ABCA1: variants seen among roughly 807,000 people sequenced by gnomAD.
ABCA1 encodes the protein ATP binding cassette subfamily A member 1.
ABCA1 carries 133 observed loss-of-function variants against 262.5 expected under a neutral mutation model. The observed-to-expected ratio is 0.51, with a 90% CI of 0.44 to 0.59. The LOEUF is 0.59. Among genes scored for constraint, ABCA1 ranks in the 20% least tolerant of loss-of-function variants. The pLI is 0.00. For missense variants in ABCA1, 2,452 were observed against 2,777.5 expected (o/e 0.88, Z 2.63); for synonymous variants, 1,022 against 1,043.5 (o/e 0.98, Z 0.40).
rs145225245 is a variant in ABCA1 at position 104,873,485 on chromosome 9, C to T, written c.421+9554G>A. 1.5e-3 allele frequency among the ~76,000 whole-genome samples: 226 copies of T among 152,332 alleles called. 2 individuals carry two copies. The Middle Eastern group carries it at 0.024, about 16-fold the overall frequency. ...GCATTTCTTTCAGAAGCCCTCTTGTCTCCTTTCTCATCCCAGCCAGCCCAT... is the reference window on the plus strand; with the variant it reads ...GCATTTCTTTCAGAAGCCCTCTTGTTTCCTTTCTCATCCCAGCCAGCCCAT... On this transcript the variant is annotated intron_variant, in intron 5 of 49. Transcript: ENST00000374736.
chr9:104,886,525 T>C (rs1331399972), intron 3 of ABCA1, among the ~76,000 whole-genome samples: 1 of 152,186 alleles, frequency 6.6e-6, no homozygotes, highest in African/African-American at 2.4e-5. Flanking sequence ...CTGCTCTTCA[T>C]TCAGGGAGAT....
chr9:104,788,612 T>C (rs1367845962), intron 44 of ABCA1, 45 bp from the exon 45 acceptor site: 2 of 1,607,942 alleles, frequency 1.2e-6, no homozygotes, highest in African/African-American at 2.7e-5. Context: ...CAGGTAGAGA[T>C]ACTCTGGTTA....
At chr9:104,925,255 T>C (rs1316453563) in intron 1 of ABCA1, among the ~76,000 whole-genome samples, 2 of 151,906 alleles carry the variant, frequency 1.3e-5, no homozygotes, top group Non-Finnish European at 2.9e-5. Context: ...CGTGCGCCTA[T>C]AGTCCCAGCT....
intron 7 of ABCA1, among the ~76,000 whole-genome samples, chr9:104,850,754 G>C (rs193035009): frequency 1.6e-4 from 25 of 152,302 alleles, no homozygotes; most frequent in Admixed American, 1.4e-3. Context: ...TATTTCCAAA[G>C]AGCTTCAGTA....
At chr9:104,874,019 G>C (rs1837878237) in intron 5 of ABCA1, among the ~76,000 whole-genome samples, 1 of 152,086 alleles carries the variant, frequency 6.6e-6, no homozygotes, top group Non-Finnish European at 1.5e-5. Context: ...TCAACTCCCT[G>C]CCACAGCCAA....
chr9:104,855,616 C>T, intron 7 of ABCA1: 1 of 1,422,858 alleles, frequency 7.0e-7, no homozygotes, highest in Non-Finnish European at 9.2e-7. Context: ...AGGCCCCACA[C>T]CAGGCTCTTC....
At chr9:104,892,737 C>T (rs955640854) in intron 2 of ABCA1, among the ~76,000 whole-genome samples, 1 of 152,154 alleles carries the variant, frequency 6.6e-6, no homozygotes, top group Non-Finnish European at 1.5e-5. Flanking sequence ...GTTAACAATA[C>T]GTATTCAAGA....
At chr9:104,883,928 C>T (rs528339356) in intron 4 of ABCA1, among the ~76,000 whole-genome samples, 5 of 152,318 alleles carry the variant, frequency 3.3e-5, no homozygotes. Flanking sequence ...TCCTGCTTTG[C>T]TCAGGGAGCT....
chr9:104,828,168 C>T (rs1437057127), intron 15 of ABCA1, among the ~76,000 whole-genome samples: 2 of 152,182 alleles, frequency 1.3e-5, no homozygotes, highest in Non-Finnish European at 2.9e-5. Flanking sequence ...CAGTAGACGG[C>T]CTCAGGCATC....
At chr9:104,801,230 CT>C (rs1170777520) in intron 34 of ABCA1, among the ~76,000 whole-genome samples, 1 of 151,968 alleles carries the variant, frequency 6.6e-6, no homozygotes, top group Non-Finnish European at 1.5e-5. Flanking sequence ...GTTCTGAGAG[CT>C]TTTTTTGAGA....
At chr9:104,905,432 T>C (rs936129040) in intron 1 of ABCA1, among the ~76,000 whole-genome samples, 6 of 152,236 alleles carry the variant, frequency 3.9e-5, no homozygotes, top group Non-Finnish European at 5.9e-5. Flanking sequence ...CCTACCACTA[T>C]GTATTCCAAT....
At chr9:104,836,586 T>G (rs1427183797) in intron 11 of ABCA1, among the ~76,000 whole-genome samples, 1 of 152,202 alleles carries the variant, frequency 6.6e-6, no homozygotes, top group African/African-American at 2.4e-5. Context: ...CAGGCCAGTC[T>G]ACATGTAACA....
At chr9:104,826,915 T>C (rs1018826363) in intron 16 of ABCA1, 33 bp downstream of exon 16, 4 of 1,596,506 alleles carry the variant, frequency 2.5e-6, no homozygotes, top group Middle Eastern at 2.0e-4. Flanking sequence ...GTCAAATGCC[T>C]ACAGCCACTG....
At chr9:104,921,389 T>C (rs921624719) in intron 1 of ABCA1, among the ~76,000 whole-genome samples, 23 of 152,186 alleles carry the variant, frequency 1.5e-4, no homozygotes, top group African/African-American at 5.3e-4. Flanking sequence ...TGTTTAAATC[T>C]CTAAATTACT....
chr9:104,896,555 T>C (rs1840214900), intron 2 of ABCA1, among the ~76,000 whole-genome samples: 1 of 151,868 alleles, frequency 6.6e-6, no homozygotes, highest in Admixed American at 6.6e-5. Context: ...TCAAAAGATA[T>C]TCTGAGAGGC....
In ABCA1 at chr9:104,800,593, A is replaced by G; in HGVS notation, c.4699-9T>C. Reference sequence around the variant, plus strand: ...CGATCTGCAGAACTGTCCTGTAAACAACAGAAACCTGCCTCAGTTGTGACT... The same window carrying G: ...CGATCTGCAGAACTGTCCTGTAAACGACAGAAACCTGCCTCAGTTGTGACT... On this transcript the variant is annotated splice_polypyrimidine_tract_variant and intron_variant, in intron 34 of 49. Transcript: ENST00000374736. 1 of 1,614,092 alleles carries G rather than the reference A, an allele frequency of 6.2e-7. No individual in the cohort carries two copies. The highest frequency in any genetic ancestry group is 8.5e-7 in the Non-Finnish European group (1 of 1,179,914).
intron 49 of ABCA1, 76 bp from the exon 50 acceptor site, chr9:104,784,531 G>C (rs1216366800): frequency 1.9e-6 from 3 of 1,584,318 alleles, no homozygotes; most frequent in Non-Finnish European, 2.6e-6. Flanking sequence ...TATTTTTCCA[G>C]ATGTTGAAAT....
intron 1 of ABCA1, among the ~76,000 whole-genome samples, chr9:104,909,470 G>A (rs1210822211): frequency 6.6e-6 from 1 of 152,152 alleles, no homozygotes; most frequent in Non-Finnish European, 1.5e-5. Context: ...ACAATGAACT[G>A]AGAGAGTGGA....
chr9:104,894,923 G>A (rs1227484942), intron 2 of ABCA1, among the ~76,000 whole-genome samples: 2 of 152,190 alleles, frequency 1.3e-5, no homozygotes, highest in Non-Finnish European at 2.9e-5. Flanking sequence ...AAACCCAGGG[G>A]AATGTTCCAG....
Sources: allele counts gnomAD v4.1 joint callset (sites outside exome capture counted in the v4.1 genomes callset), GRCh38; gene constraint gnomAD v4.1.1; transcripts MANE v1.5; gene names NCBI Gene and HGNC (gene_info 2026-07-23, HGNC 2026-07-21).